CRIP1: variants seen among roughly 807,000 people sequenced by gnomAD.
CRIP1 encodes cysteine-rich protein 1.
CRIP1 carries 11 observed loss-of-function variants against 12.9 expected under a neutral mutation model. The ratio of observed to expected loss-of-function variants is 0.86; its 90% CI spans 0.54 to 1.42. CRIP1 has a LOEUF of 1.42. CRIP1 is among the 40% of genes most tolerant of loss of function. The probability of loss-of-function intolerance (pLI) is 0.00; values close to 1 mark genes in which losing one functional copy is unlikely to be tolerated. For synonymous variants in CRIP1, 41 were observed against 37.2 expected, an observed-to-expected ratio of 1.10 and a Z score of -0.37; for missense variants, 122 against 101.3, an observed-to-expected ratio of 1.20 and a Z score of -0.88.
At position 105,488,460 on chromosome 14, in the gene CRIP1, C is replaced by A. The variant is rs202000136; in HGVS notation, c.194-11C>A. 4 of 1,601,920 alleles carry A rather than the reference C, an allele frequency of 2.5e-6. 1 individual carries two copies. Among genetic ancestry groups the A allele is most frequent in the Non-Finnish European group, 3.4e-6 (4 of 1,174,528 alleles). ...ACCCCAGCCTGTTGACTTTTTCCAC[C>A]TTCTCTGCAGGCTTTGGGCGGGGCG... On this transcript the variant is annotated splice_polypyrimidine_tract_variant and intron_variant, in intron 4 of 5. Coordinates refer to ENST00000392531, the MANE Select transcript of CRIP1 (RefSeq NM_001311.5).
chr14:105,487,779 G>A (rs940429635), intron 2 of CRIP1: 12 of 237,238 alleles, frequency 5.1e-5, no homozygotes, highest in African/African-American at 2.5e-4. Flanking sequence ...GAGAAGGGCT[G>A]TCGCAGGCTC....
Position 105,487,195 on chromosome 14 carries a change from C to T in CRIP1, c.-61-4C>T, listed in dbSNP as rs1399917418. The T allele has an allele frequency of 7.8e-6, 12 of 1,535,390 alleles. No homozygotes were observed. The Admixed American group carries it at 1.2e-4, about 15-fold the overall frequency. On this transcript the variant is annotated splice_region_variant and splice_polypyrimidine_tract_variant and intron_variant, in intron 1 of 5. Coordinates refer to ENST00000392531, the MANE Select transcript of CRIP1 (RefSeq NM_001311.5). ...AAGGCGCGGACCAGGCCGGATCCAC[C>T]CAGTCTCGCGCCTGCAGCCCGTGCC...
At chr14:105,487,425 C>T in intron 2 of CRIP1, 126 bp downstream of exon 2, 1 of 771,406 alleles carries the variant, frequency 1.3e-6, no homozygotes, top group Non-Finnish European at 2.0e-6. Flanking sequence ...ACGCCTCAGC[C>T]TGGCCCGCCG....
At chr14:105,488,035 G>A (rs2141773322) in intron 2 of CRIP1, 131 bp from the exon 3 acceptor site, 3 of 876,134 alleles carry the variant, frequency 3.4e-6, no homozygotes, top group South Asian at 1.6e-5. Context: ...AGGGTGGGCT[G>A]CCAGGCTGGG....
chr14:105,488,056 C>G, intron 2 of CRIP1, 110 bp from the exon 3 acceptor site: 1 of 1,166,328 alleles, frequency 8.6e-7, no homozygotes, highest in East Asian at 2.5e-5. Context: ...CGGATGCGGG[C>G]TAAGTGCACA....
chr14:105,487,518 G>C, intron 2 of CRIP1: 1 of 520,624 alleles, frequency 1.9e-6, no homozygotes, highest in South Asian at 2.7e-5. Flanking sequence ...TGTGCTCGGC[G>C]GGCTACCTCT....
In CRIP1 at chr14:105,488,680, C is replaced by T. The variant is rs782022706; in HGVS notation, c.*23C>T. On this transcript the variant is annotated 3_prime_UTR_variant, in exon 6 of 6. Transcript: ENST00000392531. ...CTGCACAGGTGGTGGAGACCCCATC[C>T]TTGGCTGCTTGCAGGGCCACTGTCC... 7 of 744,146 alleles carry T rather than the reference C, an allele frequency of 9.4e-6. No homozygotes were observed. Among genetic ancestry groups the T allele is most frequent in the Non-Finnish European group, 1.5e-5 (7 of 452,672 alleles). 46.1% of individuals were successfully genotyped at this position (744,146 alleles called of 1,614,324 possible).
In CRIP1 at chr14:105,488,188, C is replaced by T. The variant is rs1459463438; in HGVS notation, c.63C>T (p.Gly21=). 3 of 1,612,872 alleles carry T rather than the reference C, an allele frequency of 1.9e-6. No homozygotes were observed. The highest frequency in any genetic ancestry group is 1.3e-5 in the African/African-American group (1 of 74,932). Residue 21 remains glycine (G), a synonymous_variant, in exon 3 of 6, where the codon GGC becomes GGT. Transcript: ENST00000392531. ...VYFAERVTSL[G]KDWHRPCLKC... ...CAGCCGAGAGGGTGACCTCTCTGGG[C>T]AAGGACTGGCATCGGCCCTGCCTGA...
chr14:105,487,891 C>T (rs1248344313), intron 2 of CRIP1: 2 of 507,436 alleles, frequency 3.9e-6, no homozygotes, highest in Admixed American at 6.6e-5. Flanking sequence ...GCCCTCTAGC[C>T]CCACCCAGCC....
chr14:105,488,077 C>T (rs1204183064), intron 2 of CRIP1, 89 bp from the exon 3 acceptor site: 4 of 1,413,218 alleles, frequency 2.8e-6, no homozygotes, highest in Non-Finnish European at 9.8e-7. Context: ...GGGCCTTGGG[C>T]AGAGCTGGCT....
In CRIP1 at chr14:105,487,278, T is replaced by C. The variant is rs782277923; in HGVS notation, c.19T>C (p.Cys7Arg). The stretch of plus-strand genomic sequence containing the variant: ...AGCCGTCATGCCCAAGTGTCCCAAG[T>C]GCAACAAGGAGGTGTACTTCGGTGA... MPKCPK[C>R]NKEVYFAERV... The change falls in exon 2 of 6, where the codon TGC becomes CGC. Residue 7 changes from cysteine to arginine, a missense_variant. By Grantham distance (180) the Cys-to-Arg change is radical (BLOSUM62 -3). Transcript: ENST00000392531. 3.2e-6 allele frequency: 5 copies of C among 1,544,552 alleles called. No homozygotes were observed. In the South Asian group the frequency reaches 3.6e-5, roughly 11 times the overall value.
intron 2 of CRIP1, 77 bp downstream of exon 2, chr14:105,487,376 G>A (rs1004762604): frequency 3.1e-6 from 4 of 1,307,102 alleles, no homozygotes; most frequent in Admixed American, 4.8e-5. Context: ...CAGGAGGACC[G>A]GGGGCGCTGG....
chr14:105,487,490 G>A (rs1480286785), intron 2 of CRIP1, 191 bp downstream of exon 2: 3 of 557,492 alleles, frequency 5.4e-6, no homozygotes, highest in African/African-American at 4.1e-5. Flanking sequence ...GGCGATCTCT[G>A]CCTGCTAGTG....
chr14:105,488,310 T>C, intron 3 of CRIP1, 21 bp from the exon 4 acceptor site: 2 of 1,613,410 alleles, frequency 1.2e-6, no homozygotes, highest in African/African-American at 2.7e-5. Context: ...TGGCACCCCC[T>C]CACGGCCCTT....
At position 105,488,718 on chromosome 14, in the gene CRIP1, G is replaced by A; in HGVS notation, c.*61G>A. ...AGGGCCACTGTCCAGGCAAATGCCA[G>A]GCCTTGTCCCCAGATGCCCAGGGCT... On this transcript the variant is annotated 3_prime_UTR_variant, in exon 6 of 6. Coordinates refer to ENST00000392531, the MANE Select transcript of CRIP1 (RefSeq NM_001311.5). The A allele has an allele frequency of 3.3e-6, 2 of 614,528 alleles. No individual in the cohort carries two copies. The highest frequency in any genetic ancestry group is 5.8e-6 in the Non-Finnish European group (2 of 346,904). The allele number at this position is 614,528 out of a possible 1,614,324, so 38.1% of individuals were successfully genotyped here.
At chr14:105,487,486 C>A in intron 2 of CRIP1, 187 bp downstream of exon 2, 1 of 560,572 alleles carries the variant, frequency 1.8e-6, no homozygotes, top group Non-Finnish European at 3.2e-6. Context: ...CCCTGGCGAT[C>A]TCTGCCTGCT....
chr14:105,486,932 G>C lies in CRIP1; in HGVS notation c.-102G>C. Reference sequence around the variant, plus strand: ...CGGGAGACATCACAGCGCTGGGCTAGGGGCGCGGCTTGAACTCGCCTAAAG... The same window carrying C: ...CGGGAGACATCACAGCGCTGGGCTACGGGCGCGGCTTGAACTCGCCTAAAG... On this transcript the variant is annotated 5_prime_UTR_variant, in exon 1 of 6. Coordinates refer to ENST00000392531, the MANE Select transcript of CRIP1 (RefSeq NM_001311.5). 1.7e-6 allele frequency: 2 copies of C among 1,158,034 alleles called. No homozygotes were observed. The highest frequency in any genetic ancestry group is 2.1e-6 in the Non-Finnish European group (2 of 938,762). 71.7% of individuals were successfully genotyped at this position (1,158,034 alleles called of 1,614,324 possible). A position where few individuals can be genotyped will look rare whatever the true frequency, so the allele number is the denominator to read the frequency against.
intron 2 of CRIP1, 24 bp from the exon 3 acceptor site, chr14:105,488,142 C>CGG (rs2084141453): frequency 6.2e-7 from 1 of 1,606,746 alleles, no homozygotes; most frequent in African/African-American, 1.3e-5. Flanking sequence ...AGCGTCTCAC[C>CGG]GGGGCCTGTC....
At chr14:105,488,306 C>A (rs2084144856) in intron 3 of CRIP1, 25 bp from the exon 4 acceptor site, 1 of 1,613,392 alleles carries the variant, frequency 6.2e-7, no homozygotes, top group Non-Finnish European at 8.5e-7. Context: ...GTGATGGCAC[C>A]CCCTCACGGC....
Sources: allele counts gnomAD v4.1 joint callset, GRCh38; gene constraint gnomAD v4.1.1; transcripts MANE v1.5; gene names NCBI Gene and HGNC (gene_info 2026-07-23, HGNC 2026-07-21).